The following LRRC56 variants were observed in gnomAD, a reference collection of about 807,000 sequenced individuals.
LRRC56 encodes leucine rich repeat containing 56.
LRRC56 carries 41 observed loss-of-function variants against 47.8 expected under a neutral mutation model. That is an observed-to-expected ratio of 0.86 (90% CI 0.67 to 1.11). The LOEUF is 1.11. LRRC56 is among the 50% of genes most tolerant of loss of function. The probability of loss-of-function intolerance (pLI) is 0.00; values close to 1 mark genes in which losing one functional copy is unlikely to be tolerated. For missense variants in LRRC56, 759 were observed against 704.2 expected, an observed-to-expected ratio of 1.08 and a Z score of -0.88; for synonymous variants, 387 against 311.2, an observed-to-expected ratio of 1.24 and a Z score of -2.56.
In LRRC56 at chr11:550,012, CCCTGGGCTGGGGAGG is replaced by C. The variant is rs1047965692; in HGVS notation, c.423+26_424-34del. ...CCAGCACTTAAGGTGAGTCTGGGCA[CCCTGGGCTGGGGAGG>C]CCTGGGCTGGGCCGGGCCCTGGCTC... On this transcript the variant is annotated intron_variant, in intron 7 of 13. Transcript: ENST00000270115. The C allele has an allele frequency of 1.2e-6, 2 of 1,612,376 alleles. No individual in the cohort carries two copies. The highest frequency in any genetic ancestry group is 1.7e-6 in the Non-Finnish European group (2 of 1,179,406).
In LRRC56 at chr11:550,140, G is replaced by A. The variant is rs1489949579; in HGVS notation, c.492G>A (p.Val164=). The A allele has an allele frequency of 1.2e-6, 2 of 1,613,544 alleles. No homozygotes were observed. Among genetic ancestry groups the A allele is most frequent in the Non-Finnish European group, 1.7e-6 (2 of 1,179,906 alleles). ...TGTGCCTGCTGGAACAATTGGAGGT[G>A]CTGGACCTGGAGGGCAACAGCGTGG... ...SPLCLLEQLE[V]LDLEGNSVED... is the part of the protein sequence containing the mutation. Residue 164 remains valine (V), a synonymous_variant, in exon 8 of 14, where the codon GTG becomes GTA. Coordinates refer to ENST00000270115, the MANE Select transcript of LRRC56 (RefSeq NM_198075.4).
At position 544,717 on chromosome 11, in the gene LRRC56, C is replaced by T. The variant is rs775169804; in HGVS notation, c.266-3C>T. On this transcript the variant is annotated splice_region_variant and splice_polypyrimidine_tract_variant and intron_variant, in intron 5 of 13. Coordinates refer to ENST00000270115, the MANE Select transcript of LRRC56 (RefSeq NM_198075.4). ...CCAACCTCCTCCTCCTGTGGCCATA[C>T]AGGGGTGCACCTGCCCAACCTGGAC... 1.2e-6 allele frequency: 2 copies of T among 1,612,590 alleles called. No homozygotes were observed. Among genetic ancestry groups the T allele is most frequent in the South Asian group, 2.2e-5 (2 of 91,084 alleles).
chr11:545,799 C>G lies in LRRC56; in HGVS notation c.326+1019C>G, dbSNP rs78029967. On this transcript the variant is annotated intron_variant, in intron 6 of 13. Coordinates refer to ENST00000270115, the MANE Select transcript of LRRC56 (RefSeq NM_198075.4). Reference sequence around the variant, plus strand: ...CGCTGCTGGTTTTATGTAGCCTGTTCCCAGCAGCATAAGGCAGGGGAATTC... The same window carrying G: ...CGCTGCTGGTTTTATGTAGCCTGTTGCCAGCAGCATAAGGCAGGGGAATTC... Among the ~76,000 whole-genome samples, 12 of 152,278 alleles carry G rather than the reference C, an allele frequency of 7.9e-5. No individual in the cohort carries two copies. The East Asian group carries it at 2.3e-3, about 29-fold the overall frequency.
In LRRC56 at chr11:552,589, C is replaced by T. The variant is rs372006680; in HGVS notation, c.1202C>T (p.Pro401Leu). The change falls in exon 13 of 14, where the codon CCG becomes CTG. Residue 401 changes from proline to leucine, a missense_variant. Physicochemically the swap from Pro to Leu is moderately conservative, Grantham distance 98. Coordinates refer to ENST00000270115, the MANE Select transcript of LRRC56 (RefSeq NM_198075.4). ...CCTAGCCCCCTCCCCTATAGGCACC[C>T]GGAGTCCCAACAGGAAGGGGCTGTA... Reference protein sequence around the residue: ...HGVRPLPYRHPESQQEGAVAP... With the variant: ...HGVRPLPYRHLESQQEGAVAP... 4.1e-5 allele frequency: 66 copies of T among 1,606,996 alleles called. No individual in the cohort carries two copies. In the Admixed American group the frequency reaches 7.9e-4, roughly 19 times the overall value.
Position 551,949 on chromosome 11 carries a change from G to A in LRRC56, c.1020G>A (p.Glu340=), listed in dbSNP as rs754051197. ...LCGNPTKGLR[E]RRHQCQAREP... ...GGAACCCCACCAAGGGCCTGCGGGAGCGTAGGCACCAGTGCCAGGTACAGC... is the reference window on the plus strand; with the variant it reads ...GGAACCCCACCAAGGGCCTGCGGGAACGTAGGCACCAGTGCCAGGTACAGC... The change falls in exon 11 of 14, where the codon GAG becomes GAA. Residue 340 remains glutamate, a synonymous_variant. Transcript: ENST00000270115. 4 of 1,612,712 alleles carry A rather than the reference G, an allele frequency of 2.5e-6. No homozygotes were observed. Among genetic ancestry groups the A allele is most frequent in the Middle Eastern group, 1.7e-4 (1 of 6,060 alleles).
upstream of LRRC56, chr11:533,623 G>A (rs750444909): frequency 2.5e-6 from 4 of 1,613,560 alleles, no homozygotes; most frequent in Non-Finnish European, 3.4e-6. Flanking sequence ...CTGAGAGGTG[G>A]AAAGCGAGAG....
intron 5 of LRRC56, among the ~76,000 whole-genome samples, chr11:544,491 T>C: frequency 6.6e-6 from 1 of 152,132 alleles, no homozygotes; most frequent in Non-Finnish European, 1.5e-5. Context: ...AGCCAGACCC[T>C]CTACCAGGCC....
chr11:526,012 T>C, the LRRC56 span, among the ~76,000 whole-genome samples: 11 of 151,738 alleles, frequency 7.2e-5, no homozygotes, highest in Non-Finnish European at 1.3e-4. Flanking sequence ...TCAAGACCAG[T>C]ATGGGCAACC....
chr11:516,799 G>C, the LRRC56 span, among the ~76,000 whole-genome samples: 1 of 152,176 alleles, frequency 6.6e-6, no homozygotes, highest in Non-Finnish European at 1.5e-5. Context: ...ACTTAGAAAA[G>C]GCATTTGACA....
chr11:551,501 T>C, intron 9 of LRRC56, 150 bp from the exon 10 acceptor site: 1 of 902,932 alleles, frequency 1.1e-6, no homozygotes, highest in Non-Finnish European at 1.6e-6. Context: ...GAGGAAGGTC[T>C]GAAGATGAGG....
At chr11:524,681 T>C in the LRRC56 span, among the ~76,000 whole-genome samples, 1 of 151,524 alleles carries the variant, frequency 6.6e-6, no homozygotes, top group Non-Finnish European at 1.5e-5. Context: ...GAAAGGAAAA[T>C]CTTTTCAACA....
the LRRC56 span, among the ~76,000 whole-genome samples, chr11:508,184 G>A: frequency 6.6e-6 from 1 of 152,098 alleles, no homozygotes; most frequent in African/African-American, 2.4e-5. Flanking sequence ...ATTTGTTTTC[G>A]AGACAGGGTC....
chr11:507,715 G>A, the LRRC56 span, among the ~76,000 whole-genome samples: 3 of 152,242 alleles, frequency 2.0e-5, no homozygotes, highest in African/African-American at 7.2e-5. Flanking sequence ...TCCGCATGTC[G>A]GGGTCGCGAC....
the LRRC56 span, among the ~76,000 whole-genome samples, chr11:520,607 C>T: frequency 2.0e-5 from 3 of 152,178 alleles, no homozygotes; most frequent in Non-Finnish European, 4.4e-5. Context: ...GCATGAGCCA[C>T]CGCGCCCGGC....
chr11:517,853 TA>T, the LRRC56 span, among the ~76,000 whole-genome samples: 3 of 152,248 alleles, frequency 2.0e-5, no homozygotes, highest in African/African-American at 2.4e-5. Flanking sequence ...GGGATGCTGT[TA>T]ATCTATAACC....
intron 13 of LRRC56, 35 bp from the exon 14 acceptor site, chr11:553,928 C>A: frequency 6.3e-7 from 1 of 1,592,954 alleles, no homozygotes; most frequent in Non-Finnish European, 8.6e-7. Context: ...CCCTGACAGC[C>A]TTTCTGACGT....
At chr11:537,111 G>C (rs541294702), upstream of LRRC56, 254 of 152,366 alleles carry the variant, frequency 1.7e-3, no homozygotes, top group African/African-American at 5.6e-3. Context: ...AGGTCAGGAC[G>C]GCAGGCCTCG....
the LRRC56 span, among the ~76,000 whole-genome samples, chr11:525,593 C>T: frequency 6.6e-6 from 1 of 151,360 alleles, no homozygotes; most frequent in African/African-American, 2.4e-5. Context: ...ATTAAAAAAC[C>T]AGTTTCCAAA....
chr11:544,956 A>G (rs1851997899), intron 6 of LRRC56, among the ~76,000 whole-genome samples, 176 bp downstream of exon 6: 2 of 145,858 alleles, frequency 1.4e-5, no homozygotes, highest in Non-Finnish European at 3.0e-5. Context: ...GACCCTGTGG[A>G]GGGTGGATGG....
Sources: gnomAD v4.1 joint callset for allele counts (sites outside exome capture counted in the v4.1 genomes callset) on GRCh38, gnomAD v4.1.1 for gene constraint, MANE v1.5 for transcripts, NCBI Gene and HGNC (gene_info 2026-07-23, HGNC 2026-07-21) for gene names.